KIF15: variants seen among roughly 807,000 people sequenced by gnomAD.
The protein encoded by KIF15 is kinesin family member 15.
In KIF15, 140 loss-of-function variants were observed where a neutral mutation model predicts 190.6. That is an observed-to-expected ratio of 0.73 (90% CI 0.64 to 0.84). The LOEUF (loss-of-function observed/expected upper bound fraction) is 0.84, where lower values mean the gene tolerates loss of function less well. Ranked by LOEUF, KIF15 falls within the 40% of genes least tolerant of loss-of-function variation. The probability of loss-of-function intolerance (pLI) is 0.00; values close to 1 mark genes in which losing one functional copy is unlikely to be tolerated. For missense variants in KIF15, 1,372 were observed against 1,584.4 expected, an observed-to-expected ratio of 0.87 and a Z score of 2.28; for synonymous variants, 528 against 551.3, an observed-to-expected ratio of 0.96 and a Z score of 0.59.
chr3:44,820,299 T>G (rs1383638617), intron 20 of KIF15, among the ~76,000 whole-genome samples: 2 of 152,152 alleles, frequency 1.3e-5, no homozygotes, highest in African/African-American at 4.8e-5. Flanking sequence ...GTTAGCTGGT[T>G]ATTTTGCTCG....
chr3:44,815,032 T>C lies in KIF15; in HGVS notation c.2505T>C (p.Leu835=). The C allele has an allele frequency of 6.2e-7, 1 of 1,611,456 alleles. No individual in the cohort carries two copies. The highest frequency in any genetic ancestry group is 8.5e-7 in the Non-Finnish European group (1 of 1,179,252). ...KTNQEKEFNK[L]SERHMHVQLQ... Reference sequence around the variant, plus strand: ...ATCAGGAGAAAGAATTCAACAAACTTTCCGAAAGACACATGCATGTACAGC... The same window carrying C: ...ATCAGGAGAAAGAATTCAACAAACTCTCCGAAAGACACATGCATGTACAGC... Residue 835 remains leucine, a synonymous_variant, in exon 20 of 35, where the codon CTT becomes CTC. Coordinates refer to ENST00000326047, the MANE Select transcript of KIF15 (RefSeq NM_020242.3).
intron 7 of KIF15, among the ~76,000 whole-genome samples, chr3:44,789,642 T>TTATATATA (rs56009369): frequency 1.9e-3 from 210 of 113,496 alleles, no homozygotes; most frequent in Non-Finnish European, 2.7e-3. Context: ...TTGTCTAATT[T>TTATATATA]TATATATATA....
chr3:44,797,167 A>G (rs564680872), intron 8 of KIF15, among the ~76,000 whole-genome samples: 8 of 152,282 alleles, frequency 5.3e-5, no homozygotes, highest in African/African-American at 1.7e-4. Context: ...AGCTGGGACT[A>G]CAGGCATGTG....
chr3:44,837,339 C>T (rs1698370945), intron 26 of KIF15, among the ~76,000 whole-genome samples: 1 of 152,058 alleles, frequency 6.6e-6, no homozygotes. Flanking sequence ...TGAGTTTGCA[C>T]TTTTAAAAAT....
intron 19 of KIF15, among the ~76,000 whole-genome samples, chr3:44,814,108 C>G (rs1707923719): frequency 1.3e-5 from 2 of 152,008 alleles, no homozygotes; most frequent in African/African-American, 4.8e-5. Flanking sequence ...AAAGCTAAAA[C>G]AAAAAGAGAT....
At chr3:44,860,583 A>G (rs916965419) in intron 6 of KIF15, among the ~76,000 whole-genome samples, 5 of 152,060 alleles carry the variant, frequency 3.3e-5, no homozygotes, top group African/African-American at 1.2e-4. Context: ...ATCTTGACCA[A>G]TCTGGTCTTG....
intron 1 of KIF15, among the ~76,000 whole-genome samples, chr3:44,762,269 C>G (rs1244517562): frequency 6.6e-6 from 1 of 152,200 alleles, no homozygotes; most frequent in East Asian, 1.9e-4. Context: ...CCAGCTTCTG[C>G]GTATTTCTAC....
downstream of KIF15, among the ~76,000 whole-genome samples, chr3:44,856,934 C>T (rs548314765): frequency 1.8e-4 from 28 of 152,238 alleles, no homozygotes; most frequent in East Asian, 1.5e-3. Context: ...GCAGTGAGTT[C>T]GGCTTGCTGA....
intron 6 of KIF15, among the ~76,000 whole-genome samples, chr3:44,866,107 C>T (rs1699319880): frequency 6.9e-6 from 1 of 144,392 alleles, no homozygotes; most frequent in African/African-American, 2.5e-5. Flanking sequence ...CAGTCTCGCT[C>T]TGTCACCCAG....
At chr3:44,812,027 T>G (rs1440460281) in intron 17 of KIF15, among the ~76,000 whole-genome samples, 155 bp from the exon 18 acceptor site, 3 of 152,236 alleles carry the variant, frequency 2.0e-5, no homozygotes, top group Non-Finnish European at 4.4e-5. Context: ...TTGATGATGT[T>G]TTCTGGCTCC....
intron 7 of KIF15, among the ~76,000 whole-genome samples, chr3:44,786,950 C>A (rs909662303): frequency 2.6e-5 from 4 of 152,122 alleles, no homozygotes; most frequent in Non-Finnish European, 4.4e-5. Flanking sequence ...AGCTAACTTA[C>A]CTTGAGCATT....
At position 44,847,967 on chromosome 3, in the gene KIF15, C is replaced by T; in HGVS notation, c.3696-18C>T. ...AGTGTTTTCCTATGCCTCCTCCCACCCCTGTTAATCTATGCAGTGATCAGA... is the reference window on the plus strand; with the variant it reads ...AGTGTTTTCCTATGCCTCCTCCCACTCCTGTTAATCTATGCAGTGATCAGA... On this transcript the variant is annotated intron_variant, in intron 30 of 34. Transcript: ENST00000326047. 1 of 1,571,102 alleles carries T rather than the reference C, an allele frequency of 6.4e-7. No homozygotes were observed. Among genetic ancestry groups the T allele is most frequent in the Middle Eastern group, 1.7e-4 (1 of 5,904 alleles).
At chr3:44,807,697 T>C (rs1268118388) in intron 16 of KIF15, among the ~76,000 whole-genome samples, 1 of 145,350 alleles carries the variant, frequency 6.9e-6, no homozygotes, top group Admixed American at 6.8e-5. Context: ...AGCTTGAGGG[T>C]GTGTGTGTGT....
intron 16 of KIF15, 21 bp downstream of exon 16, chr3:44,806,007 C>G (rs1227432331): frequency 1.2e-6 from 2 of 1,609,808 alleles, no homozygotes; most frequent in Non-Finnish European, 1.7e-6. Context: ...TGAACAATAC[C>G]TCCACCTTAA....
intron 26 of KIF15, among the ~76,000 whole-genome samples, chr3:44,831,917 CCTATG>C (rs1339542400): frequency 1.3e-5 from 2 of 152,118 alleles, no homozygotes; most frequent in Non-Finnish European, 2.9e-5. Flanking sequence ...TTTTGGCTAA[CCTATG>C]CTACCCATGA....
At chr3:44,861,805 C>CA in intron 6 of KIF15, 1 of 1,200,414 alleles carries the variant, frequency 8.3e-7, no homozygotes, top group Non-Finnish European at 1.2e-6. Flanking sequence ...GAGCGATTCC[C>CA]AAGGGGCCTG....
chr3:44,795,015 G>A (rs1706908392), intron 8 of KIF15, among the ~76,000 whole-genome samples: 1 of 152,102 alleles, frequency 6.6e-6, no homozygotes. Context: ...ACCAAGCTAA[G>A]TGTTTTGAGG....
At chr3:44,771,052 G>T (rs1381214107) in intron 1 of KIF15, among the ~76,000 whole-genome samples, 1 of 152,142 alleles carries the variant, frequency 6.6e-6, no homozygotes, top group Non-Finnish European at 1.5e-5. Flanking sequence ...TCAGAAACCT[G>T]CATTTGAGAG....
At chr3:44,862,010 A>G in intron 6 of KIF15, 24 of 1,380,008 alleles carry the variant, frequency 1.7e-5, no homozygotes, top group Non-Finnish European at 2.3e-5. Context: ...CCGCACCTCC[A>G]GGCGGGTGCG....
Sources: gnomAD v4.1 joint callset for allele counts (sites outside exome capture counted in the v4.1 genomes callset) on GRCh38, gnomAD v4.1.1 for gene constraint, MANE v1.5 for transcripts, NCBI Gene and HGNC (gene_info 2026-07-23, HGNC 2026-07-21) for gene names.